The following DYNC2I1 variants were observed in gnomAD, a reference collection of about 807,000 sequenced individuals.
DYNC2I1 encodes dynein 2 intermediate chain 1.
In DYNC2I1, 89 loss-of-function variants were observed where a neutral mutation model predicts 133.4. That is an observed-to-expected ratio of 0.67 (90% CI 0.56 to 0.80). The LOEUF is 0.80. Among genes scored for constraint, DYNC2I1 ranks in the 30% least tolerant of loss-of-function variants. The probability of loss-of-function intolerance (pLI) is 0.00; values close to 1 mark genes in which losing one functional copy is unlikely to be tolerated. For synonymous variants in DYNC2I1, 504 were observed against 484.3 expected (o/e 1.04, Z -0.54); for missense variants, 1,291 against 1,314.5 (o/e 0.98, Z 0.28).
At chr7:158,856,838 T>A in intron 1 of DYNC2I1, 88 bp downstream of exon 1, 1 of 1,212,176 alleles carries the variant, frequency 8.2e-7, no homozygotes, top group Non-Finnish European at 1.0e-6. Context: ...CCGCCCTCCC[T>A]TTGCGCAGCG....
chr7:158,857,204 T>C (rs112062754), intron 1 of DYNC2I1, among the ~76,000 whole-genome samples: 4 of 152,376 alleles, frequency 2.6e-5, no homozygotes, highest in East Asian at 1.9e-4. Context: ...TTGTATTTAC[T>C]TGTATGACCT....
intron 4 of DYNC2I1, 39 bp from the exon 5 acceptor site, chr7:158,879,645 G>C: frequency 6.5e-7 from 1 of 1,528,180 alleles, no homozygotes. Context: ...ACTCCTATTT[G>C]ATGTGCTCCT....
At chr7:158,859,040 A>G (rs11505241) in intron 1 of DYNC2I1, among the ~76,000 whole-genome samples, 26,626 of 128,548 alleles carry the variant, frequency 0.21, 2,974 homozygotes, top group Middle Eastern at 0.28. Flanking sequence ...CTTTCACCCA[A>G]GTTGGAGTGC....
chr7:158,892,141 A>G (rs554991758), intron 8 of DYNC2I1, among the ~76,000 whole-genome samples: 11 of 152,282 alleles, frequency 7.2e-5, no homozygotes, highest in Admixed American at 1.3e-4. Flanking sequence ...CCTGGCCCAC[A>G]CTAGGTGTGT....
At chr7:158,932,401 G>A (rs1035555341) in intron 21 of DYNC2I1, among the ~76,000 whole-genome samples, 1 of 152,186 alleles carries the variant, frequency 6.6e-6, no homozygotes. Flanking sequence ...CACATTTGGA[G>A]CTGTCAGTGG....
At chr7:158,934,036 C>A (rs181007755) in intron 21 of DYNC2I1, 93 bp from the exon 22 acceptor site, 1 of 842,236 alleles carries the variant, frequency 1.2e-6, no homozygotes, top group Admixed American at 2.7e-5. Flanking sequence ...TGTTATACAT[C>A]GATGTATTGT....
chr7:158,943,198 T>A (rs1476111957), intron 24 of DYNC2I1, among the ~76,000 whole-genome samples: 1 of 152,236 alleles, frequency 6.6e-6, no homozygotes, highest in Non-Finnish European at 1.5e-5. Flanking sequence ...CTTACGTTAT[T>A]CTGATTATTA....
chr7:158,939,755 A>G (rs1214770332), intron 23 of DYNC2I1, among the ~76,000 whole-genome samples: 5 of 152,208 alleles, frequency 3.3e-5, no homozygotes, highest in Non-Finnish European at 1.5e-5. Context: ...ACACACTCAT[A>G]CTAAAAGGGT....
At chr7:158,883,043 TC>T (rs1216413764) in intron 5 of DYNC2I1, among the ~76,000 whole-genome samples, 1 of 152,094 alleles carries the variant, frequency 6.6e-6, no homozygotes, top group Non-Finnish European at 1.5e-5. Context: ...TAGATATTCT[TC>T]AACTGAGTAC....
At chr7:158,874,983 CCAGTCTCTTG>C (rs1843221887) in intron 3 of DYNC2I1, among the ~76,000 whole-genome samples, 1 of 152,216 alleles carries the variant, frequency 6.6e-6, no homozygotes, top group Admixed American at 6.5e-5. Flanking sequence ...GCTTTCTCTT[CCAGTCTCTTG>C]GAGAGTCCTG....
intron 15 of DYNC2I1, 50 bp downstream of exon 15, chr7:158,918,919 A>G: frequency 1.3e-6 from 2 of 1,575,028 alleles, no homozygotes; most frequent in Non-Finnish European, 1.7e-6. Context: ...CTAAACATTC[A>G]TGTTGAAATA....
intron 23 of DYNC2I1, among the ~76,000 whole-genome samples, chr7:158,938,425 C>T (rs1057121205): frequency 6.6e-6 from 1 of 152,134 alleles, no homozygotes; most frequent in Non-Finnish European, 1.5e-5. Flanking sequence ...TATACAAAAG[C>T]TGAGAGAATT....
intron 1 of DYNC2I1, among the ~76,000 whole-genome samples, chr7:158,866,677 G>T (rs527476991): frequency 3.3e-4 from 50 of 152,094 alleles, no homozygotes; most frequent in African/African-American, 1.1e-3. Context: ...CTGAGGTTGG[G>T]AGTTCGAGAC....
intron 8 of DYNC2I1, among the ~76,000 whole-genome samples, chr7:158,901,213 G>A (rs1322400429): frequency 1.3e-5 from 2 of 152,102 alleles, no homozygotes; most frequent in Non-Finnish European, 2.9e-5. Context: ...TGGGAACACA[G>A]GTGCACACCA....
At chr7:158,870,197 G>T (rs1756357230) in intron 2 of DYNC2I1, among the ~76,000 whole-genome samples, 1 of 152,124 alleles carries the variant, frequency 6.6e-6, no homozygotes, top group Admixed American at 6.5e-5. Context: ...GTGGGGAGAG[G>T]GGCTTTGGGA....
At chr7:158,935,379 A>C (rs958280729) in intron 23 of DYNC2I1, among the ~76,000 whole-genome samples, 3 of 152,246 alleles carry the variant, frequency 2.0e-5, no homozygotes, top group African/African-American at 4.8e-5. Context: ...AATATTAAAC[A>C]ACTTTATACG....
intron 6 of DYNC2I1, among the ~76,000 whole-genome samples, chr7:158,885,597 C>T (rs1438841194): frequency 6.7e-6 from 1 of 149,338 alleles, no homozygotes; most frequent in African/African-American, 2.4e-5. Context: ...CTGCCTTGGC[C>T]TCCCAAAGTG....
At position 158,866,964 on chromosome 7, in the gene DYNC2I1, G is replaced by A. The variant is rs183529702; in HGVS notation, c.16-2891G>A. Among the ~76,000 whole-genome samples the A allele has an allele frequency of 2.2e-3, 333 of 149,650 alleles. 8 individuals are homozygous for A. In the Middle Eastern group the frequency reaches 0.025, roughly 11 times the overall value. On this transcript the variant is annotated intron_variant, in intron 1 of 24. Coordinates refer to ENST00000407559, the MANE Select transcript of DYNC2I1 (RefSeq NM_018051.5). ...TGCCCTAATTTTCACATTCCAGGAA[G>A]AGTTTTAGTGGCTTGTCCATGAAAA... is the stretch of plus-strand genomic sequence containing the variant.
At position 158,902,532 on chromosome 7, in the gene DYNC2I1, G is replaced by A. The variant is rs772132029; in HGVS notation, c.1294G>A (p.Glu432Lys). 47 of 1,613,918 alleles carry A rather than the reference G, an allele frequency of 2.9e-5. No individual in the cohort carries two copies. Among genetic ancestry groups the A allele is most frequent in the Non-Finnish European group, 3.9e-5 (46 of 1,179,896 alleles). ...AINAENERIG[E>K]LSLKLFQKRG... ...TAATGCAGAAAATGAAAGGATTGGCGAGTTATCTTTGAAACTGTTTCAGAA... is the reference window on the plus strand; with the variant it reads ...TAATGCAGAAAATGAAAGGATTGGCAAGTTATCTTTGAAACTGTTTCAGAA... Residue 432 changes from glutamate (E) to lysine (K), a missense_variant, in exon 10 of 25, where the codon GAG (glutamate) becomes AAG (lysine). By Grantham distance (56) the Glu-to-Lys change is moderately conservative. Coordinates refer to ENST00000407559, the MANE Select transcript of DYNC2I1 (RefSeq NM_018051.5).
Sources: gnomAD v4.1 joint callset for allele counts (sites outside exome capture counted in the v4.1 genomes callset) on GRCh38, gnomAD v4.1.1 for gene constraint, MANE v1.5 for transcripts, NCBI Gene and HGNC (gene_info 2026-07-23, HGNC 2026-07-21) for gene names.